KIAA1217: variants seen among roughly 807,000 people sequenced by gnomAD.
KIAA1217 encodes the protein sickle tail protein homolog.
KIAA1217 carries 88 observed loss-of-function variants against 163.9 expected under a neutral mutation model. The ratio of observed to expected loss-of-function variants is 0.54; its 90% CI spans 0.45 to 0.64. The LOEUF (loss-of-function observed/expected upper bound fraction) is 0.64. Among genes scored for constraint, KIAA1217 ranks in the 30% least tolerant of loss-of-function variants. The probability of loss-of-function intolerance (pLI) is 0.00; values close to 1 mark genes in which losing one functional copy is unlikely to be tolerated. For missense variants in KIAA1217, 2,372 were observed against 2,475.0 expected (o/e 0.96, Z 0.88); for synonymous variants, 903 against 923.1 (o/e 0.98, Z 0.39).
intron 2 of KIAA1217, among the ~76,000 whole-genome samples, chr10:24,062,972 C>G (rs1293380347): frequency 6.6e-6 from 1 of 151,638 alleles, no homozygotes; most frequent in South Asian, 2.1e-4. Context: ...CCTTCGCCCA[C>G]TTTTCGATGG....
chr10:24,248,303 A>G (rs541009379), intron 2 of KIAA1217, among the ~76,000 whole-genome samples: 3 of 152,326 alleles, frequency 2.0e-5, no homozygotes, highest in Admixed American at 2.0e-4. Flanking sequence ...ATTATCAACA[A>G]AAGAATTAAA....
At position 23,755,511 on chromosome 10, in the gene KIAA1217, T is replaced by G. The variant is rs16923811; in HGVS notation, c.-321+60277T>G. Among the ~76,000 whole-genome samples the G allele has an allele frequency of 5.3e-3, 804 of 152,282 alleles. 26 individuals carry two copies. Among genetic ancestry groups the G allele is most frequent in the Admixed American group, 0.044 (672 of 15,302 alleles). ...GTCCTATTGGTAAGAGTATATAGAA[T>G]GTGCAATGTAGAGATGAATGTAAAT... On this transcript the variant is annotated intron_variant, in intron 1 of 18. Coordinates refer to the KIAA1217 transcript ENST00000376462.
intron 1 of KIAA1217, among the ~76,000 whole-genome samples, chr10:23,721,130 C>T (rs1226688757): frequency 6.6e-6 from 1 of 152,180 alleles, no homozygotes; most frequent in Non-Finnish European, 1.5e-5. Flanking sequence ...CTTCATAAAA[C>T]ATTTGGGAAA....
intron 2 of KIAA1217, among the ~76,000 whole-genome samples, chr10:24,325,796 G>A (rs1310757692): frequency 1.3e-5 from 2 of 152,128 alleles, no homozygotes; most frequent in Non-Finnish European, 2.9e-5. Flanking sequence ...TTTCAGAGGG[G>A]CAATAAGGGG....
At chr10:24,325,907 A>C (rs1046362718) in intron 2 of KIAA1217, among the ~76,000 whole-genome samples, 1 of 152,214 alleles carries the variant, frequency 6.6e-6, no homozygotes, top group Admixed American at 6.5e-5. Context: ...TGACTTTGTA[A>C]GAAAAATTAG....
chr10:24,008,687 G>A (rs1847115664), intron 2 of KIAA1217, among the ~76,000 whole-genome samples: 1 of 152,090 alleles, frequency 6.6e-6, no homozygotes, highest in African/African-American at 2.4e-5. Context: ...GTAAGCATAT[G>A]GATTCTATTT....
At position 23,934,623 on chromosome 10, in the gene KIAA1217, A is replaced by ATTTTTTT. The variant is rs1475453455; in HGVS notation, c.-320-72601_-320-72600insTTTTTTT. Among the ~76,000 whole-genome samples the ATTTTTTT allele has an allele frequency of 3.4e-4, 21 of 61,432 alleles. 2 individuals are homozygous for ATTTTTTT. Among genetic ancestry groups the ATTTTTTT allele is most frequent in the African/African-American group, 1.3e-3 (7 of 5,190 alleles). The allele number at this position is 61,432 out of a possible 152,430, so 40.3% of individuals were successfully genotyped here. A position where few individuals can be genotyped will look rare whatever the true frequency, so the allele number is the denominator to read the frequency against. ...TATATATATGTATATATATATATAT[A>ATTTTTTT]TATTTTTTTTTTGAGACGGAGTCTC... On this transcript the variant is annotated intron_variant, in intron 1 of 18. Coordinates refer to the KIAA1217 transcript ENST00000376462.
At chr10:23,990,747 A>G (rs905421375) in intron 1 of KIAA1217, among the ~76,000 whole-genome samples, 1 of 152,204 alleles carries the variant, frequency 6.6e-6, no homozygotes, top group Non-Finnish European at 1.5e-5. Flanking sequence ...CTGTGCTTTA[A>G]TATTTTTAAA....
At chr10:24,483,763 A>T (rs1219001150) in intron 6 of KIAA1217, among the ~76,000 whole-genome samples, 1 of 152,124 alleles carries the variant, frequency 6.6e-6, no homozygotes, top group Non-Finnish European at 1.5e-5. Flanking sequence ...ACCTGTTTGT[A>T]CCTGTGCAAA....
intron 1 of KIAA1217, among the ~76,000 whole-genome samples, chr10:23,912,993 T>C (rs1224129937): frequency 1.3e-5 from 2 of 152,178 alleles, no homozygotes; most frequent in Non-Finnish European, 2.9e-5. Context: ...TGTCAGTTTC[T>C]CTTCTGAGTT....
intron 9 of KIAA1217, among the ~76,000 whole-genome samples, chr10:24,511,080 C>T (rs1360945997): frequency 7.3e-6 from 1 of 136,072 alleles, no homozygotes; most frequent in African/African-American, 2.7e-5. Flanking sequence ...AAATAGGAGT[C>T]TGGCGGAGGT....
chr10:24,206,392 T>C (rs1454812323), upstream of KIAA1217, among the ~76,000 whole-genome samples: 1 of 152,168 alleles, frequency 6.6e-6, no homozygotes, highest in Non-Finnish European at 1.5e-5. Context: ...GTAACAGCAG[T>C]GACAATAAGA....
intron 11 of KIAA1217, among the ~76,000 whole-genome samples, chr10:24,521,514 A>G (rs2071274730): frequency 2.0e-5 from 3 of 152,098 alleles, no homozygotes; most frequent in Admixed American, 6.5e-5. Flanking sequence ...CAGCCAGTCA[A>G]ATTAAAAAGT....
intron 2 of KIAA1217, among the ~76,000 whole-genome samples, chr10:24,235,191 A>G (rs2072055916): frequency 6.6e-6 from 1 of 152,192 alleles, no homozygotes; most frequent in African/African-American, 2.4e-5. Context: ...TTTAAATGCT[A>G]ATCACACCTA....
intron 2 of KIAA1217, among the ~76,000 whole-genome samples, chr10:24,105,318 TAAAGA>T (rs772625216): frequency 6.6e-6 from 1 of 152,066 alleles, no homozygotes; most frequent in Non-Finnish European, 1.5e-5. Context: ...AGCAAAAATA[TAAAGA>T]CTCAGCCATC....
chr10:24,292,464 A>C (rs2079174342), intron 2 of KIAA1217, among the ~76,000 whole-genome samples: 1 of 152,154 alleles, frequency 6.6e-6, no homozygotes, highest in Admixed American at 6.5e-5. Flanking sequence ...CACTCATCAG[A>C]AGTATTAGAG....
chr10:24,168,087 G>A (rs962557573), intron 2 of KIAA1217, among the ~76,000 whole-genome samples: 1 of 152,098 alleles, frequency 6.6e-6, no homozygotes, highest in Non-Finnish European at 1.5e-5. Context: ...TAGAACATAA[G>A]GATTCTAATT....
At chr10:24,121,291 T>C (rs560927799) in intron 2 of KIAA1217, among the ~76,000 whole-genome samples, 21 of 152,286 alleles carry the variant, frequency 1.4e-4, no homozygotes, top group Admixed American at 3.3e-4. Flanking sequence ...CTACATGTGT[T>C]GGTAATTGAT....
intron 2 of KIAA1217, among the ~76,000 whole-genome samples, chr10:24,133,367 T>A (rs1280319067): frequency 2.6e-5 from 4 of 151,836 alleles, no homozygotes; most frequent in Non-Finnish European, 4.4e-5. Flanking sequence ...AGGTCAAGAG[T>A]TCGAGACCAA....
Sources: gnomAD v4.1 joint callset for allele counts (sites outside exome capture counted in the v4.1 genomes callset) on GRCh38, gnomAD v4.1.1 for gene constraint, MANE v1.5 for transcripts, NCBI Gene and HGNC (gene_info 2026-07-23, HGNC 2026-07-21) for gene names.